Variants in EXOC6B observed in about 807,000 individuals in gnomAD.
The protein encoded by EXOC6B is SEC15 homolog B.
EXOC6B carries 54 observed loss-of-function variants against 113.5 expected under a neutral mutation model. That is an observed-to-expected ratio of 0.48 (90% confidence interval 0.38 to 0.60). The LOEUF is 0.60. Among genes scored for constraint, EXOC6B ranks in the 20% least tolerant of loss-of-function variants. The pLI is 0.00. For missense variants in EXOC6B, 797 were observed against 977.5 expected (o/e 0.82, Z 2.46); for synonymous variants, 357 against 339.0 (o/e 1.05, Z -0.58).
chr2:72,653,300 G>A (rs1039710833), intron 6 of EXOC6B, among the ~76,000 whole-genome samples: 6 of 145,776 alleles, frequency 4.1e-5, no homozygotes, highest in Non-Finnish European at 9.0e-5. Flanking sequence ...GTAAACTATC[G>A]CAAGAACAAA....
intron 9 of EXOC6B, 97 bp downstream of exon 9, chr2:72,514,946 C>A (rs1701137609): frequency 1.9e-6 from 2 of 1,043,846 alleles, no homozygotes; most frequent in African/African-American, 2.5e-5. Context: ...AGTAAACACA[C>A]ACACACAGAC....
intron 6 of EXOC6B, among the ~76,000 whole-genome samples, chr2:72,686,214 T>C (rs140296463): frequency 6.6e-6 from 1 of 152,336 alleles, no homozygotes; most frequent in African/African-American, 2.4e-5. Context: ...CCATGGTATA[T>C]GAAGTCTGAA....
At chr2:72,305,351 TA>T (rs1686779821) in intron 20 of EXOC6B, among the ~76,000 whole-genome samples, 4 of 151,660 alleles carry the variant, frequency 2.6e-5, no homozygotes, top group African/African-American at 9.7e-5. Flanking sequence ...TGTATATGTA[TA>T]TGTATATGTA....
At chr2:72,189,747 CCTTT>C (rs554314755) in intron 20 of EXOC6B, among the ~76,000 whole-genome samples, 38 of 144,184 alleles carry the variant, frequency 2.6e-4, no homozygotes, top group East Asian at 1.6e-3. Flanking sequence ...CCCCTTCCTT[CCTTT>C]CTTTCTTCCT....
intron 21 of EXOC6B, among the ~76,000 whole-genome samples, chr2:72,183,796 G>C (rs1355808882): frequency 6.6e-6 from 1 of 151,688 alleles, no homozygotes; most frequent in Non-Finnish European, 1.5e-5. Context: ...AGTAAGAGAC[G>C]CTAGTAAGAG....
At chr2:72,655,951 G>A (rs1278507302) in intron 6 of EXOC6B, among the ~76,000 whole-genome samples, 1 of 152,032 alleles carries the variant, frequency 6.6e-6, no homozygotes, top group Non-Finnish European at 1.5e-5. Context: ...TGCCTCTATT[G>A]TAAATATGTC....
chr2:72,401,653 A>ATGTG, intron 18 of EXOC6B, among the ~76,000 whole-genome samples: 2 of 75,438 alleles, frequency 2.7e-5, no homozygotes, highest in South Asian at 2.9e-4. Flanking sequence ...ATACATATAT[A>ATGTG]TATATATATA....
At chr2:72,510,541 T>A (rs539657475) in intron 11 of EXOC6B, among the ~76,000 whole-genome samples, 35 of 151,676 alleles carry the variant, frequency 2.3e-4, no homozygotes, top group African/African-American at 8.4e-4. Flanking sequence ...TGCAATATTA[T>A]ATATATTAAA....
intron 10 of EXOC6B, 21 bp downstream of exon 10, chr2:72,514,610 ATAT>A: frequency 2.9e-6 from 1 of 343,966 alleles, no homozygotes; most frequent in Non-Finnish European, 4.9e-6. Flanking sequence ...AAATAAATAT[ATAT>A]ATATATATAT....
chr2:72,471,953 T>C (rs1000471928), intron 17 of EXOC6B, among the ~76,000 whole-genome samples: 6 of 152,186 alleles, frequency 3.9e-5, no homozygotes, highest in Admixed American at 2.0e-4. Context: ...TTTTATCAAA[T>C]GCTTTTTCTG....
At chr2:72,779,921 G>T (rs996099463) in intron 1 of EXOC6B, among the ~76,000 whole-genome samples, 5 of 152,184 alleles carry the variant, frequency 3.3e-5, no homozygotes, top group African/African-American at 1.2e-4. Flanking sequence ...AGACACAGAG[G>T]TGGGAGGAAA....
chr2:72,327,647 G>T (rs1375948043), intron 20 of EXOC6B, among the ~76,000 whole-genome samples: 1 of 151,992 alleles, frequency 6.6e-6, no homozygotes, highest in Admixed American at 6.6e-5. Flanking sequence ...ATTTCATGAG[G>T]TCCTGGTCTG....
chr2:72,683,928 T>C (rs1676897141), intron 6 of EXOC6B, among the ~76,000 whole-genome samples: 2 of 152,126 alleles, frequency 1.3e-5, no homozygotes, highest in African/African-American at 2.4e-5. Flanking sequence ...CCACTGCAAT[T>C]TACTTACTTA....
intron 20 of EXOC6B, among the ~76,000 whole-genome samples, chr2:72,192,795 C>A (rs1350002555): frequency 6.6e-6 from 1 of 152,162 alleles, no homozygotes; most frequent in African/African-American, 2.4e-5. Context: ...AAAGCAGGTG[C>A]ATCCTTGAAG....
intron 11 of EXOC6B, among the ~76,000 whole-genome samples, chr2:72,510,649 G>T (rs1700844880): frequency 6.6e-6 from 1 of 151,210 alleles, no homozygotes; most frequent in Non-Finnish European, 1.5e-5. Context: ...TTAAAAAAGG[G>T]ACTTTACATT....
At chr2:72,412,869 TAGA>T (rs779187084) in intron 18 of EXOC6B, among the ~76,000 whole-genome samples, 2 of 152,164 alleles carry the variant, frequency 1.3e-5, no homozygotes, top group Non-Finnish European at 2.9e-5. Flanking sequence ...CAGCATAAAG[TAGA>T]AGAAGCTTTT....
chr2:72,582,384 A>T (rs560019684), intron 6 of EXOC6B, among the ~76,000 whole-genome samples: 1 of 151,964 alleles, frequency 6.6e-6, no homozygotes, highest in Non-Finnish European at 1.5e-5. Context: ...AAGGCTGGGC[A>T]CCTGTGGCTG....
intron 20 of EXOC6B, among the ~76,000 whole-genome samples, chr2:72,244,122 TATTC>T (rs1306337943): frequency 1.3e-5 from 2 of 152,172 alleles, no homozygotes; most frequent in Non-Finnish European, 2.9e-5. Flanking sequence ...TCATACAGAA[TATTC>T]ACTAAGACTG....
At chr2:72,786,708 G>A (rs72846945) in intron 1 of EXOC6B, among the ~76,000 whole-genome samples, 1 of 152,224 alleles carries the variant, frequency 6.6e-6, no homozygotes, top group Non-Finnish European at 1.5e-5. Flanking sequence ...TGGAAAATTC[G>A]CTGACCAGTA....
Sources: gnomAD v4.1 joint callset for allele counts (sites outside exome capture counted in the v4.1 genomes callset) on GRCh38, gnomAD v4.1.1 for gene constraint, MANE v1.5 for transcripts, NCBI Gene and HGNC (gene_info 2026-07-23, HGNC 2026-07-21) for gene names.